Variants in SP110 observed in about 807,000 individuals in gnomAD.
SP110 encodes SP110 nuclear body protein.
In SP110, 62 loss-of-function variants were observed where a neutral mutation model predicts 92.7. That is an observed-to-expected ratio of 0.67 (90% CI 0.55 to 0.83). The LOEUF (loss-of-function observed/expected upper bound fraction) is 0.83. Among genes scored for constraint, SP110 ranks in the 40% least tolerant of loss-of-function variants. The probability of loss-of-function intolerance (pLI) is 0.00; values close to 1 mark genes in which losing one functional copy is unlikely to be tolerated. For missense variants in SP110, 793 were observed against 863.9 expected (o/e 0.92, Z 1.03); for synonymous variants, 273 against 305.3 (o/e 0.89, Z 1.10).
rs145752745 is a variant in SP110, at chr2:230,179,964, G to T, written c.1349-1709C>A. On this transcript the variant is annotated intron_variant, in intron 12 of 18. Coordinates refer to ENST00000258381, the MANE Select transcript of SP110 (RefSeq NM_080424.4). ...ACTGTCCTATGCCTGAGGGCAGCCT[G>T]TTCCTAATAGTGCTAAGTCTGGCTC... is the stretch of plus-strand genomic sequence containing the variant. Among the ~76,000 whole-genome samples, 432 of 152,262 alleles carry T rather than the reference G, an allele frequency of 2.8e-3. 1 individual carries two copies. Among genetic ancestry groups the T allele is most frequent in the Non-Finnish European group, 3.7e-3 (250 of 68,016 alleles).
chr2:230,193,088 T>G (rs2042708568), intron 10 of SP110, among the ~76,000 whole-genome samples: 1 of 152,228 alleles, frequency 6.6e-6, no homozygotes, highest in Non-Finnish European at 1.5e-5. Context: ...AGATTGATCC[T>G]TTTATCATTA....
chr2:230,181,443 G>C (rs529661379), intron 12 of SP110, among the ~76,000 whole-genome samples: 20 of 152,306 alleles, frequency 1.3e-4, no homozygotes, highest in South Asian at 4.1e-4. Flanking sequence ...TAAGATAAGT[G>C]CCATGAAGAC....
At chr2:230,183,993 C>T (rs1261467928) in intron 11 of SP110, among the ~76,000 whole-genome samples, 1 of 152,132 alleles carries the variant, frequency 6.6e-6, no homozygotes, top group African/African-American at 2.4e-5. Context: ...TAGTGCCCAC[C>T]CCTGCAGATA....
intron 10 of SP110, among the ~76,000 whole-genome samples, chr2:230,195,432 C>T (rs1368245425): frequency 6.6e-6 from 1 of 152,122 alleles, no homozygotes; most frequent in Non-Finnish European, 1.5e-5. Context: ...CATCCTGGGT[C>T]CAAGTGATTA....
chr2:230,170,885 A>G, intron 17 of SP110, 124 bp from the exon 18 acceptor site: 2 of 971,056 alleles, frequency 2.1e-6, no homozygotes, highest in Non-Finnish European at 3.2e-6. Context: ...GACCTCTTTA[A>G]GCCAGCTATT....
At chr2:230,183,688 A>G (rs202115897) in intron 11 of SP110, 48 bp from the exon 12 acceptor site, 12 of 1,178,496 alleles carry the variant, frequency 1.0e-5, no homozygotes, top group East Asian at 2.3e-5. Flanking sequence ...ATAGATTTAT[A>G]AGCCTCATAG....
At chr2:230,186,706 C>T (rs1314236003) in intron 10 of SP110, among the ~76,000 whole-genome samples, 2 of 152,076 alleles carry the variant, frequency 1.3e-5, no homozygotes, top group African/African-American at 4.8e-5. Context: ...ACTCTGTATG[C>T]CTTTGAGTAC....
At chr2:230,200,636 G>C in intron 10 of SP110, 1 of 541,228 alleles carries the variant, frequency 1.8e-6, no homozygotes, top group South Asian at 2.1e-5. Flanking sequence ...TCATTCTTGA[G>C]TGCTGAGAAA....
intron 6 of SP110, among the ~76,000 whole-genome samples, chr2:230,210,355 G>A (rs2044333161): frequency 1.3e-5 from 2 of 152,210 alleles, no homozygotes; most frequent in African/African-American, 4.8e-5. Context: ...TAGTCACATG[G>A]TTTCTGCTCC....
chr2:230,173,712 C>A (rs1002336032), intron 14 of SP110: 1 of 152,112 alleles, frequency 6.6e-6, no homozygotes, highest in African/African-American at 2.4e-5. Context: ...AATGGTGCCT[C>A]TCGGTGAATT....
intron 17 of SP110, 150 bp downstream of exon 17, chr2:230,171,546 A>G (rs2078440784): frequency 4.2e-6 from 3 of 711,588 alleles, no homozygotes; most frequent in Non-Finnish European, 7.8e-6. Flanking sequence ...CAGAGTGTGC[A>G]GCAAAATCCC....
intron 10 of SP110, among the ~76,000 whole-genome samples, chr2:230,190,793 G>T (rs1250635028): frequency 2.6e-5 from 4 of 152,142 alleles, no homozygotes; most frequent in African/African-American, 7.2e-5. Context: ...AGTTTTCCTG[G>T]CACCATTTAT....
intron 11 of SP110, among the ~76,000 whole-genome samples, chr2:230,183,910 G>A (rs2042240019): frequency 1.3e-5 from 2 of 152,134 alleles, no homozygotes; most frequent in Admixed American, 6.5e-5. Context: ...TAGAATAAAG[G>A]GATGTACAGG....
At chr2:230,206,640 G>GATATATATATATATATATATAT (rs2043891300) in intron 8 of SP110, among the ~76,000 whole-genome samples, 2 of 40,680 alleles carry the variant, frequency 4.9e-5, no homozygotes, top group Non-Finnish European at 9.9e-5. Context: ...TATATATATG[G>GATATATATATATATATATATAT]ACCACACTTT....
intron 6 of SP110, among the ~76,000 whole-genome samples, chr2:230,210,628 T>A (rs1303769170): frequency 6.6e-6 from 1 of 152,212 alleles, no homozygotes; most frequent in Non-Finnish European, 1.5e-5. Context: ...TAGCACCTGT[T>A]AACAGCAAAG....
In SP110 at chr2:230,188,501, T is replaced by C. The variant is rs376884136; in HGVS notation, c.1130-2358A>G. Among the ~76,000 whole-genome samples the C allele has an allele frequency of 3.3e-3, 501 of 152,312 alleles. 3 individuals carry two copies. Among genetic ancestry groups the C allele is most frequent in the African/African-American group, 0.012 (479 of 41,584 alleles). Reference sequence around the variant, plus strand: ...ATTTCTTTCTCTTTTCTGATTGTTCTGGCTAGGACTTCTAGTACTATGTTG... The same window carrying C: ...ATTTCTTTCTCTTTTCTGATTGTTCCGGCTAGGACTTCTAGTACTATGTTG... On this transcript the variant is annotated intron_variant, in intron 10 of 18. Transcript: ENST00000258381.
intron 18 of SP110, 121 bp downstream of exon 18, chr2:230,170,500 C>T (rs2078408235): frequency 1.6e-6 from 2 of 1,221,798 alleles, no homozygotes; most frequent in Admixed American, 1.8e-5. Context: ...TTTCTGTAAT[C>T]CTTGTCTTGT....
intron 10 of SP110, among the ~76,000 whole-genome samples, chr2:230,193,737 C>T (rs1194708719): frequency 6.6e-6 from 1 of 152,148 alleles, no homozygotes; most frequent in South Asian, 2.1e-4. Context: ...ATTTTTCATC[C>T]TTGCAAATAG....
At chr2:230,176,088 T>A (rs930367569) in intron 14 of SP110, among the ~76,000 whole-genome samples, 1 of 151,964 alleles carries the variant, frequency 6.6e-6, no homozygotes, top group African/African-American at 2.4e-5. Flanking sequence ...GGACTACAGG[T>A]GCATGCCACC....
Sources: allele counts gnomAD v4.1 joint callset (sites outside exome capture counted in the v4.1 genomes callset), GRCh38; gene constraint gnomAD v4.1.1; transcripts MANE v1.5; gene names NCBI Gene and HGNC (gene_info 2026-07-23, HGNC 2026-07-21).